The following IFNLR1 variants were observed in gnomAD, a reference collection of about 807,000 sequenced individuals.
IFNLR1 encodes interferon lambda receptor 1.
IFNLR1 carries 28 observed loss-of-function variants against 52.5 expected under a neutral mutation model. The observed-to-expected ratio is 0.53, with a 90% CI of 0.40 to 0.73. The LOEUF (loss-of-function observed/expected upper bound fraction) is 0.73, where lower values mean the gene tolerates loss of function less well. Among genes scored for constraint, IFNLR1 ranks in the 30% least tolerant of loss-of-function variants. The pLI is 0.00. For missense variants in IFNLR1, 623 were observed against 659.1 expected, an observed-to-expected ratio of 0.95 and a Z score of 0.60; for synonymous variants, 276 against 274.9, an observed-to-expected ratio of 1.00 and a Z score of -0.04.
In IFNLR1 at chr1:24,157,167, T is replaced by C; in HGVS notation, c.1526A>G (p.Asp509Gly). ...GTAATGCCCCAATGTCCGGCCCCTG[T>C]CCTCGGTCCTCTGGGTGCTCTCAGC... Reference protein sequence around the residue: ...WGAESTQRTEDRGRTLGHYMA... With the variant: ...WGAESTQRTEGRGRTLGHYMA... The change falls in exon 7 of 7, where the codon GAC (aspartate) becomes GGC (glycine). Residue 509 changes from aspartate to glycine, a missense_variant. By Grantham distance (94) the Asp-to-Gly change is moderately conservative. Coordinates refer to ENST00000327535, the MANE Select transcript of IFNLR1 (RefSeq NM_170743.4). This position sits in a 1 kb window ranked among gnomAD's most constrained non-coding sequence, Gnocchi z 5.1. 2.5e-6 allele frequency: 4 copies of C among 1,613,824 alleles called. No individual in the cohort carries two copies. Among genetic ancestry groups the C allele is most frequent in the Non-Finnish European group, 3.4e-6 (4 of 1,179,928 alleles).
In IFNLR1 at chr1:24,157,099, C is replaced by T. The variant is rs1352788376; in HGVS notation, c.*31G>A. On this transcript the variant is annotated 3_prime_UTR_variant, in exon 7 of 7. Transcript: ENST00000327535. This position sits in a 1 kb window ranked among gnomAD's most constrained non-coding sequence, Gnocchi z 5.1. ...GTAGTCCTTGCAAAGGCAGCAGCAG[C>T]ATCAGATTCGGTGGGATGTCGGGGG... 9 of 1,574,882 alleles carry T rather than the reference C, an allele frequency of 5.7e-6. No individual in the cohort carries two copies. The highest frequency in any genetic ancestry group is 6.9e-6 in the Non-Finnish European group (8 of 1,161,850).
chr1:24,186,847 T>A (rs535473552), intron 1 of IFNLR1, among the ~76,000 whole-genome samples: 1 of 152,282 alleles, frequency 6.6e-6, no homozygotes, highest in South Asian at 2.1e-4. Context: ...TAGGGTCAAG[T>A]GTGGTTTTCA....
rs1352783622 is a variant in IFNLR1, at chr1:24,157,831, T to G, written c.862A>C (p.Asn288His). 6.2e-7 allele frequency: 1 copy of G among 1,613,428 alleles called. No homozygotes were observed. Among genetic ancestry groups the G allele is most frequent in the Admixed American group, 1.7e-5 (1 of 59,860 alleles). The change falls in exon 7 of 7, where the codon AAT (asparagine) becomes CAT (histidine). Residue 288 changes from asparagine (N) to histidine (H), a missense_variant. Asn to His is a moderately conservative substitution (Grantham distance 68). Coordinates refer to ENST00000327535, the MANE Select transcript of IFNLR1 (RefSeq NM_170743.4). This position sits in a 1 kb window ranked among gnomAD's most constrained non-coding sequence, Gnocchi z 5.1. ...TTTTGGGGACAGAGGAACAAGTCAT[T>G]CACGGACTCTGGTCTGCTGGGCTGA... is the stretch of plus-strand genomic sequence containing the variant. The part of the protein sequence containing the change: ...TFQPSRPESV[N>H]DLFLCPQKEL...
rs1332700707 is a variant in IFNLR1, at chr1:24,155,112, C to T, written c.*2018G>A. 3.3e-5 allele frequency: 5 copies of T among 152,214 alleles called. No homozygotes were observed. The highest frequency in any genetic ancestry group is 2.1e-4 in the South Asian group (1 of 4,828). 9.4% of individuals were successfully genotyped at this position (152,214 alleles called of 1,614,324 possible). A position where few individuals can be genotyped will look rare whatever the true frequency, so the allele number is the denominator to read the frequency against. On this transcript the variant is annotated 3_prime_UTR_variant, in exon 7 of 7. Coordinates refer to ENST00000327535, the MANE Select transcript of IFNLR1 (RefSeq NM_170743.4). ...CCCAAGCCACAGCCCTCCCCAGCTC[C>T]GTAGTTTGTTTGTTCTTCCTCTCCT...
intron 2 of IFNLR1, among the ~76,000 whole-genome samples, chr1:24,169,888 C>T (rs772844700): frequency 3.9e-5 from 6 of 152,188 alleles, no homozygotes; most frequent in Non-Finnish European, 7.3e-5. Context: ...GTAATGCCTC[C>T]CTCACAGGAC....
chr1:24,159,273 T>A, intron 5 of IFNLR1, 91 bp from the exon 6 acceptor site: 1 of 1,481,482 alleles, frequency 6.7e-7, no homozygotes, highest in Admixed American at 1.8e-5. Context: ...ATGACCCTAT[T>A]TAATCCTCAC....
Position 24,157,383 on chromosome 1 carries a change from A to G in IFNLR1, c.1310T>C (p.Leu437Pro), listed in dbSNP as rs1479278570. 3 of 1,614,164 alleles carry G rather than the reference A, an allele frequency of 1.9e-6. No homozygotes were observed. Among genetic ancestry groups the G allele is most frequent in the Non-Finnish European group, 1.7e-6 (2 of 1,180,028 alleles). Residue 437 changes from leucine to proline, a missense_variant, in exon 7 of 7, where the codon CTG (leucine) becomes CCG (proline). Transcript: ENST00000327535. This position sits in a 1 kb window ranked among gnomAD's most constrained non-coding sequence, Gnocchi z 5.1. ...PPEFSKDSGF[L>P]EELPEDNLSS... ...GAGGTTATCTTCTGGGAGCTCTTCC[A>G]GGAAACCCGAGTCCTTGGAGAATTC...
chr1:24,165,664 T>G (rs758316221), intron 3 of IFNLR1, among the ~76,000 whole-genome samples: 4 of 152,224 alleles, frequency 2.6e-5, no homozygotes, highest in African/African-American at 4.8e-5. Context: ...CCTTCCCTGA[T>G]TCCCAGCCAG....
chr1:24,162,868 T>TTCCTTCCTTCCTTCCTTCCTTCC (rs1644473479), intron 3 of IFNLR1, among the ~76,000 whole-genome samples: 1 of 58,042 alleles, frequency 1.7e-5, no homozygotes, highest in Non-Finnish European at 3.1e-5. Flanking sequence ...TCTTTCTTTC[T>TTCCTTCCTTCCTTCCTTCCTTCC]TTCTTTCTTT....
chr1:24,162,872 TTTCTTTCC>T (rs1644474189), intron 3 of IFNLR1, among the ~76,000 whole-genome samples: 19 of 40,126 alleles, frequency 4.7e-4, no homozygotes, highest in African/African-American at 1.4e-3. Context: ...TCTTTCTTTC[TTTCTTTCC>T]TTCCTTCCTT....
intron 5 of IFNLR1, 83 bp from the exon 6 acceptor site, chr1:24,159,265 G>A: frequency 1.3e-6 from 2 of 1,508,036 alleles, no homozygotes; most frequent in South Asian, 2.4e-5. Flanking sequence ...TCACATACAT[G>A]ACCCTATTTA....
chr1:24,172,657 T>C (rs1467595597), intron 2 of IFNLR1, among the ~76,000 whole-genome samples: 1 of 152,188 alleles, frequency 6.6e-6, no homozygotes, highest in Admixed American at 6.5e-5. Flanking sequence ...TTCATGACCC[T>C]GGGTCAGGCG....
chr1:24,168,471 C>CGGTTACTAGCGGTATCAAGTCCACT (rs376269275), intron 3 of IFNLR1, among the ~76,000 whole-genome samples: 17 of 152,184 alleles, frequency 1.1e-4, no homozygotes, highest in South Asian at 4.2e-4. Context: ...CTATGTCCAC[C>CGGTTACTAGCGGTATCAAGTCCACT]GGTTACTAGC....
At chr1:24,176,893 T>A (rs1473698112) in intron 2 of IFNLR1, among the ~76,000 whole-genome samples, 1 of 152,136 alleles carries the variant, frequency 6.6e-6, no homozygotes, top group African/African-American at 2.4e-5. Context: ...ATTATAGGTG[T>A]GAGTCTCTGT....
chr1:24,164,699 G>T (rs1403853282), intron 3 of IFNLR1, among the ~76,000 whole-genome samples: 3 of 151,722 alleles, frequency 2.0e-5, no homozygotes, highest in Non-Finnish European at 4.4e-5. Context: ...TTATCTTCCT[G>T]AAGTTTGGTA....
chr1:24,185,367 G>A (rs953615090), intron 1 of IFNLR1, among the ~76,000 whole-genome samples: 2 of 152,136 alleles, frequency 1.3e-5, no homozygotes, highest in Non-Finnish European at 2.9e-5. Context: ...TGTTGACCAC[G>A]GTGTGCCAGG....
intron 2 of IFNLR1, among the ~76,000 whole-genome samples, chr1:24,170,960 A>G (rs1644572831): frequency 6.6e-6 from 1 of 152,180 alleles, no homozygotes; most frequent in African/African-American, 2.4e-5. Context: ...TTCATGGAAA[A>G]TGTTATACTA....
chr1:24,176,095 C>T (rs1045273564), intron 2 of IFNLR1, among the ~76,000 whole-genome samples: 2 of 152,070 alleles, frequency 1.3e-5, no homozygotes, highest in African/African-American at 2.4e-5. Flanking sequence ...TATCCACTGA[C>T]GGGAAAATGG....
chr1:24,159,724 GTGTTTT>G, intron 4 of IFNLR1, 91 bp from the exon 5 acceptor site: 1 of 774,202 alleles, frequency 1.3e-6, no homozygotes, highest in East Asian at 4.5e-5. Flanking sequence ...ACATGGTAGG[GTGTTTT>G]TTTTTTGTTT....
Sources: gnomAD v4.1 joint callset for allele counts (sites outside exome capture counted in the v4.1 genomes callset) on GRCh38, gnomAD v4.1.1 for gene constraint, Gnocchi (gnomAD v3.1) non-coding constraint, MANE v1.5 for transcripts, NCBI Gene and HGNC (gene_info 2026-07-23, HGNC 2026-07-21) for gene names.